Variants in SHLD2 observed in about 807,000 individuals in gnomAD.
SHLD2 encodes shieldin complex subunit 2, also known as RINN1-REV7-interacting novel NHEJ regulator 2.
A neutral mutation model predicts 73.2 loss-of-function variants in SHLD2; 30 were observed. The ratio of observed to expected loss-of-function variants is 0.41; its 90% CI spans 0.31 to 0.56. The LOEUF is 0.56. SHLD2 is among the 20% of genes least tolerant of loss of function. The pLI, the probability that SHLD2 is intolerant of heterozygous loss-of-function variation, is 0.28. For missense variants in SHLD2, 745 were observed against 1,055.9 expected, an observed-to-expected ratio of 0.71 and a Z score of 4.08; for synonymous variants, 285 against 370.1, an observed-to-expected ratio of 0.77 and a Z score of 2.64.
chr10:87,146,210 G>T (rs983256133), intron 2 of SHLD2, among the ~76,000 whole-genome samples: 1 of 152,180 alleles, frequency 6.6e-6, no homozygotes, highest in Non-Finnish European at 1.5e-5. Flanking sequence ...TCAACCCACA[G>T]CCTGTGGGGC....
intron 6 of SHLD2, among the ~76,000 whole-genome samples, chr10:87,175,461 G>A (rs1463624566): frequency 5.3e-5 from 8 of 151,578 alleles, no homozygotes; most frequent in African/African-American, 1.7e-4. Context: ...CGAGGTGGGC[G>A]GATCATGAGG....
intron 2 of SHLD2, among the ~76,000 whole-genome samples, chr10:87,129,088 T>C (rs1262470297): frequency 6.6e-6 from 1 of 151,798 alleles, no homozygotes; most frequent in Admixed American, 6.6e-5. Flanking sequence ...GTTTTTTTGT[T>C]TTGTTTTGTT....
At chr10:87,122,320 G>A (rs1003864918) in intron 2 of SHLD2, among the ~76,000 whole-genome samples, 20 of 152,028 alleles carry the variant, frequency 1.3e-4, no homozygotes, top group Non-Finnish European at 1.5e-5. Context: ...TTACTCTCCT[G>A]TATTAAAATT....
chr10:87,132,427 A>G lies in SHLD2; in HGVS notation c.-5-18923A>G, dbSNP rs1184423467. ...AGTGAAGTTAGTTACACAAATAACT[A>G]CAGTCAAAAAGCTATTTTTATCCAT... On this transcript the variant is annotated intron_variant, in intron 2 of 9. Transcript: ENST00000298786. Among the ~76,000 whole-genome samples the G allele has an allele frequency of 7.2e-5, 11 of 152,340 alleles. No homozygotes were observed. In the South Asian group the frequency reaches 8.3e-4, roughly 11 times the overall value.
Position 87,170,527 on chromosome 10 carries a change from G to T in SHLD2, c.1683G>T (p.Val561=), listed in dbSNP as rs762001305. The stretch of plus-strand genomic sequence containing the variant: ...TACTTCAAGACTTACTGGCATATGT[G>T]TCCTCAAAACATTCCTACCTCAGAG... The part of the protein sequence containing the change: ...EVVLQDLLAY[V]SSKHSYLRDL... Residue 561 remains valine, a synonymous_variant, in exon 5 of 10, where the codon GTG becomes GTT. Transcript: ENST00000298786. The T allele has an allele frequency of 6.2e-7, 1 of 1,611,866 alleles. No individual in the cohort carries two copies. Among genetic ancestry groups the T allele is most frequent in the South Asian group, 1.1e-5 (1 of 90,594 alleles).
chr10:87,179,932 T>A (rs1292599689), intron 7 of SHLD2, 143 bp from the exon 8 acceptor site: 25 of 685,986 alleles, frequency 3.6e-5, no homozygotes, highest in Non-Finnish European at 6.1e-5. Context: ...TCTAGGAAAA[T>A]AGTAAAGAAG....
upstream of SHLD2, chr10:87,094,757 G>GGTA (rs1278650324): frequency 1.9e-6 from 3 of 1,538,500 alleles, no homozygotes; most frequent in Admixed American, 5.6e-5. This position sits in a 1 kb window ranked among gnomAD's most constrained non-coding sequence, Gnocchi z 6.6. Flanking sequence ...GCTTCGCCCA[G>GGTA]GTAGCGGTAC....
rs184235105 is a variant in SHLD2, at chr10:87,098,134, A to C, written c.-6+1145A>C. 5.4e-4 allele frequency among the ~76,000 whole-genome samples: 82 copies of C among 152,336 alleles called. 1 individual carries two copies. Among genetic ancestry groups the C allele is most frequent in the Non-Finnish European group, 9.0e-4 (61 of 68,030 alleles). On this transcript the variant is annotated intron_variant, in intron 2 of 9. Transcript: ENST00000298786. ...CAGAAATAGATTTTAGAAAAACAGA[A>C]TGAAATTATCCATCTCTTCCCCCAT...
rs571077174 is a variant in SHLD2 at position 87,190,361 on chromosome 10, G to C, written c.2516-123G>C. The C allele has an allele frequency of 2.4e-5, 21 of 866,202 alleles. No individual in the cohort carries two copies. The African/African-American group carries it at 2.5e-4, about 10-fold the overall frequency. The allele number at this position is 866,202 out of a possible 1,614,324, so 53.7% of individuals were successfully genotyped here. On this transcript the variant is annotated intron_variant, in intron 9 of 9. Coordinates refer to ENST00000298786, the MANE Select transcript of SHLD2 (RefSeq NM_001330112.2). ...GGTGTGAGCCACCGCTACTGGACGG[G>C]AGGAGAAATTTAAAATGGGTTTGAG...
intron 4 of SHLD2, among the ~76,000 whole-genome samples, chr10:87,160,866 C>T (rs1159860076): frequency 6.6e-6 from 1 of 151,904 alleles, no homozygotes; most frequent in Non-Finnish European, 1.5e-5. Flanking sequence ...TGGTGCATGC[C>T]TGTGGTCCCA....
chr10:87,127,532 CCCCCCCACCCCGTCTGCCA>C (rs1844105396), intron 2 of SHLD2, among the ~76,000 whole-genome samples: 1 of 65,954 alleles, frequency 1.5e-5, no homozygotes, highest in South Asian at 4.9e-4. Flanking sequence ...CTTACCCGCC[CCCCCCCACCCCGTCTGCCA>C]CCCCCCGCCT....
intron 2 of SHLD2, among the ~76,000 whole-genome samples, chr10:87,102,856 G>A (rs1842356443): frequency 6.6e-6 from 1 of 152,046 alleles, no homozygotes; most frequent in African/African-American, 2.4e-5. Context: ...TTTAAACAAG[G>A]ACTTTTTTTA....
intron 2 of SHLD2, among the ~76,000 whole-genome samples, chr10:87,130,856 C>T (rs909902453): frequency 2.2e-4 from 33 of 152,106 alleles, no homozygotes; most frequent in Admixed American, 9.2e-4. Context: ...AGACTCCTTG[C>T]GTCTGGGAGT....
At chr10:87,108,083 C>A (rs541678187) in intron 2 of SHLD2, among the ~76,000 whole-genome samples, 3 of 151,958 alleles carry the variant, frequency 2.0e-5, no homozygotes, top group Non-Finnish European at 4.4e-5. Context: ...GACGGAGTTT[C>A]GCTCTTGTTA....
At chr10:87,165,207 A>C (rs140234730) in intron 4 of SHLD2, among the ~76,000 whole-genome samples, 83 of 151,980 alleles carry the variant, frequency 5.5e-4, no homozygotes, top group African/African-American at 1.8e-3. Context: ...AAAAAAATAC[A>C]AAACACAAAA....
At chr10:87,178,088 C>T (rs3129443) in intron 7 of SHLD2, among the ~76,000 whole-genome samples, 33 of 151,596 alleles carry the variant, frequency 2.2e-4, no homozygotes, top group African/African-American at 7.5e-4. Context: ...ATACAAAAAT[C>T]AGCCAGGCAT....
At chr10:87,138,608 T>C (rs1455909638) in intron 2 of SHLD2, among the ~76,000 whole-genome samples, 1 of 152,216 alleles carries the variant, frequency 6.6e-6, no homozygotes, top group Non-Finnish European at 1.5e-5. Flanking sequence ...AATTATACTG[T>C]CATATATTTC....
rs532732736 is a variant in SHLD2, at chr10:87,108,936, G to C, written c.-6+11947G>C. Among the ~76,000 whole-genome samples the C allele has an allele frequency of 2.6e-5, 4 of 152,204 alleles. No individual in the cohort carries two copies. The East Asian group carries it at 7.7e-4, about 29-fold the overall frequency. ...TGAGCCATTGCAAATGACTGGCTTG[G>C]TCTTGAATGGGATTGTCTGCCTCTG... On this transcript the variant is annotated intron_variant, in intron 2 of 9. Transcript: ENST00000298786.
chr10:87,141,489 G>A lies in SHLD2; in HGVS notation c.-5-9861G>A, dbSNP rs914348846. On this transcript the variant is annotated intron_variant, in intron 2 of 9. Coordinates refer to ENST00000298786, the MANE Select transcript of SHLD2 (RefSeq NM_001330112.2). ...CCCAAGTAGCTGGGATTACAGGCGC[G>A]TGCCACCACACCCAGCTAATTTTCA... 2.0e-5 allele frequency among the ~76,000 whole-genome samples: 3 copies of A among 152,028 alleles called. No individual in the cohort carries two copies. In the Middle Eastern group the frequency reaches 0.01, roughly 517 times the overall value.
Sources: allele counts gnomAD v4.1 joint callset (sites outside exome capture counted in the v4.1 genomes callset), GRCh38; gene constraint gnomAD v4.1.1; non-coding constraint Gnocchi (gnomAD v3.1); transcripts MANE v1.5; gene names NCBI Gene and HGNC (gene_info 2026-07-23, HGNC 2026-07-21).